Variants in SLX4 observed in about 807,000 individuals in gnomAD.
SLX4 encodes SLX4 structure-specific endonuclease subunit, also known as structure-specific endonuclease subunit SLX4.
A neutral mutation model predicts 146.2 loss-of-function variants in SLX4; 112 were observed. That is an observed-to-expected ratio of 0.77 (90% CI 0.66 to 0.90). The LOEUF (loss-of-function observed/expected upper bound fraction) is 0.90, where lower values mean the gene tolerates loss of function less well. SLX4 is among the 40% of genes least tolerant of loss of function. The pLI, the probability that SLX4 is intolerant of heterozygous loss-of-function variation, is 0.00. For synonymous variants in SLX4, 1,061 were observed against 997.7 expected, an observed-to-expected ratio of 1.06 and a Z score of -1.20; for missense variants, 2,563 against 2,392.7, an observed-to-expected ratio of 1.07 and a Z score of -1.49.
chr16:3,584,253 T>C (rs921988514), intron 13 of SLX4, among the ~76,000 whole-genome samples: 2 of 152,076 alleles, frequency 1.3e-5, no homozygotes, highest in Admixed American at 6.6e-5. Flanking sequence ...AAACCCCGTC[T>C]CTACTAAAAA....
chr16:3,608,935 T>G lies in SLX4; in HGVS notation c.30A>C (p.Leu10=). 6.2e-7 allele frequency: 1 copy of G among 1,613,932 alleles called. No individual in the cohort carries two copies. Among genetic ancestry groups the G allele is most frequent in the Admixed American group, 1.7e-5 (1 of 60,018 alleles). MKLSVNEAQ[L]GFYLGSLSHL... is the part of the protein sequence containing the mutation. ...GAGAAAGTGAACCCAAGTAGAAGCC[T>G]AGCTGAGCCTCATTCACACTCAGTT... is the stretch of plus-strand genomic sequence containing the variant. The change falls in exon 2 of 15, where the codon CTA becomes CTC. Residue 10 remains leucine (L), a synonymous_variant. Transcript: ENST00000294008.
intron 1 of SLX4, among the ~76,000 whole-genome samples, chr16:3,610,950 G>A (rs1160097652): frequency 6.6e-6 from 1 of 152,152 alleles, no homozygotes; most frequent in Non-Finnish European, 1.5e-5. Flanking sequence ...GGGAGCGGCT[G>A]GAACAAATTC....
chr16:3,594,114 G>C (rs1471895103), intron 10 of SLX4, among the ~76,000 whole-genome samples: 1 of 151,994 alleles, frequency 6.6e-6, no homozygotes, highest in Non-Finnish European at 1.5e-5. Flanking sequence ...TGATCTGCCC[G>C]CCTCGGCCTC....
At chr16:3,596,484 A>C in intron 7 of SLX4, 91 bp from the exon 8 acceptor site, 3 of 1,418,686 alleles carry the variant, frequency 2.1e-6, no homozygotes, top group Non-Finnish European at 2.8e-6. Context: ...GCACGGCTGG[A>C]CCTAAAACTA....
rs1739979320 is a variant in SLX4 at position 3,596,184 on chromosome 16, A to G, written c.1893T>C (p.Ser631=). ...TCCCTTCCGAGCCAGCCAGGCCCCC[A>G]CTGCCGGGCCACGGGCTGGCGCTCA... The part of the protein sequence containing the change: ...EGLSASPWPG[S]GGLAGSEGTA... Residue 631 remains serine, a synonymous_variant, in exon 8 of 15, where the codon AGT becomes AGC. Coordinates refer to ENST00000294008, the MANE Select transcript of SLX4 (RefSeq NM_032444.4). The G allele has an allele frequency of 1.9e-6, 3 of 1,551,666 alleles. No individual in the cohort carries two copies. The highest frequency in any genetic ancestry group is 1.9e-5 in the Admixed American group (1 of 52,110).
At chr16:3,591,931 G>T (rs1327752200) in intron 11 of SLX4, among the ~76,000 whole-genome samples, 1 of 152,208 alleles carries the variant, frequency 6.6e-6, no homozygotes, top group Non-Finnish European at 1.5e-5. Context: ...GAGGCAGGAG[G>T]ATTGCTTGAG....
In SLX4 at chr16:3,608,866, G is replaced by C. The variant is rs758021932; in HGVS notation, c.99C>G (p.Asp33Glu). ...CPGIDPRSSE[D>E]QPESLKTGQM... ...GACCAGTTTTAAGGCTTTCAGGCTG[G>C]TCTTCAGAGGAGCGAGGGTCAATCC... The change falls in exon 2 of 15, where the codon GAC (aspartate) becomes GAG (glutamate). Residue 33 changes from aspartate to glutamate, a missense_variant. By Grantham distance (45) the Asp-to-Glu change is conservative. Transcript: ENST00000294008. The C allele has an allele frequency of 1.9e-6, 3 of 1,614,114 alleles. No individual in the cohort carries two copies. Among genetic ancestry groups the C allele is most frequent in the Admixed American group, 1.7e-5 (1 of 60,016 alleles).
At chr16:3,592,180 C>A (rs115698980) in intron 11 of SLX4, among the ~76,000 whole-genome samples, 2 of 152,360 alleles carry the variant, frequency 1.3e-5, no homozygotes, top group African/African-American at 4.8e-5. Flanking sequence ...AGGGAGGACG[C>A]AGGCTCGGAT....
At position 3,602,042 on chromosome 16, in the gene SLX4, T is replaced by A. The variant is rs555994718; in HGVS notation, c.950+76A>T. 1.0e-4 allele frequency: 157 copies of A among 1,562,582 alleles called. 1 individual carries two copies. Among genetic ancestry groups the A allele is most frequent in the African/African-American group, 7.0e-4 (52 of 73,962 alleles). On this transcript the variant is annotated intron_variant, in intron 4 of 14. Coordinates refer to ENST00000294008, the MANE Select transcript of SLX4 (RefSeq NM_032444.4). ...CTGTTGTCATGGTAAGGTGTGGAGA[T>A]CCGCACTCCAGCCCTGGGGTGCTTG...
At chr16:3,607,958 G>A (rs1006358941) in intron 2 of SLX4, among the ~76,000 whole-genome samples, 1 of 152,232 alleles carries the variant, frequency 6.6e-6, no homozygotes, top group Non-Finnish European at 1.5e-5. Context: ...AATTCTGAAA[G>A]AGCAGAGGAC....
intron 11 of SLX4, 64 bp from the exon 12 acceptor site, chr16:3,591,374 T>TG: frequency 6.3e-7 from 1 of 1,597,052 alleles, no homozygotes; most frequent in Non-Finnish European, 8.5e-7. Context: ...GGTGCCCCGG[T>TG]GGGGTGGCGG....
Position 3,608,776 on chromosome 16 carries a change from T to C in SLX4, c.189A>G (p.Lys63=). The change falls in exon 2 of 15, where the codon AAA becomes AAG. Residue 63 remains lysine (K), a synonymous_variant. Coordinates refer to ENST00000294008, the MANE Select transcript of SLX4 (RefSeq NM_032444.4). ...CTGACACTTCCTTGATTCCATGTTT[T>C]TTCACCCTTTGGAAAAAGCTAGCGC... is the stretch of plus-strand genomic sequence containing the variant. ...ELCASFFQRV[K]KHGIKEVSGE... is the part of the protein sequence containing the mutation. The C allele has an allele frequency of 6.2e-7, 1 of 1,614,194 alleles. No individual in the cohort carries two copies. Among genetic ancestry groups the C allele is most frequent in the Middle Eastern group, 1.6e-4 (1 of 6,062 alleles).
intron 13 of SLX4, among the ~76,000 whole-genome samples, chr16:3,584,422 C>CA (rs112619699): frequency 8.8e-4 from 131 of 149,274 alleles, no homozygotes; most frequent in Middle Eastern, 3.5e-3. Context: ...CTCTGTCTTT[C>CA]AAAAAAAAAA....
intron 8 of SLX4, 93 bp from the exon 9 acceptor site, chr16:3,595,786 T>G: frequency 6.9e-7 from 1 of 1,446,688 alleles, no homozygotes; most frequent in East Asian, 2.4e-5. Flanking sequence ...AGCCAGCCCC[T>G]GCGGTGCCTC....
chr16:3,584,691 G>A (rs1035791614), intron 13 of SLX4, 78 bp downstream of exon 13: 16 of 1,155,592 alleles, frequency 1.4e-5, no homozygotes, highest in African/African-American at 1.1e-4. Flanking sequence ...GGGCCCTTCC[G>A]CCCCCAGGTG....
intron 9 of SLX4, 91 bp from the exon 10 acceptor site, chr16:3,594,690 G>C: frequency 6.4e-7 from 1 of 1,567,778 alleles, no homozygotes; most frequent in Non-Finnish European, 8.7e-7. Flanking sequence ...GGTGGCGCTA[G>C]GGTGGGCCGG....
In SLX4 at chr16:3,590,896, ATC is replaced by A; in HGVS notation, c.2740_2741del (p.Asp914Ter). ...TCTTCTCCCAGGTGGTGGCGGCCTC[ATC>A]TCTTCCTGGCTCCAACGGCTCCATC... ...EEMEPLEPGRDEAATTWEKMG... is the reference protein window; with the variant it reads ...EEMEPLEPGRXEAATTWEKMG... On this transcript the variant is annotated frameshift_variant, in exon 12 of 15. Coordinates refer to ENST00000294008, the MANE Select transcript of SLX4 (RefSeq NM_032444.4). LOFTEE classifies it high-confidence loss of function. The surrounding 1 kb of genome is among the most constrained non-coding windows in gnomAD (Gnocchi z 4.8). 6.2e-7 allele frequency: 1 copy of A among 1,613,606 alleles called. No individual in the cohort carries two copies. The highest frequency in any genetic ancestry group is 1.3e-5 in the African/African-American group (1 of 74,898).
chr16:3,597,824 A>C lies in SLX4; in HGVS notation c.1339T>G (p.Phe447Val). 6.2e-7 allele frequency: 1 copy of C among 1,614,100 alleles called. No homozygotes were observed. Among genetic ancestry groups the C allele is most frequent in the South Asian group, 1.1e-5 (1 of 91,082 alleles). The change falls in exon 6 of 15, where the codon TTT becomes GTT. Residue 447 changes from phenylalanine (F) to valine (V), a missense_variant. Transcript: ENST00000294008. The surrounding 1 kb of genome is among the most constrained non-coding windows in gnomAD (Gnocchi z 4.4). ...AVPALRLESA[F>V]SERIRPEAEN... ...GCTTCTGGTCTTATCCTCTCAGAAAAGGCACTTTCCAGCCTGAGCGCTGGT... is the reference window on the plus strand; with the variant it reads ...GCTTCTGGTCTTATCCTCTCAGAAACGGCACTTTCCAGCCTGAGCGCTGGT...
chr16:3,592,640 G>C, intron 11 of SLX4, 59 bp downstream of exon 11: 2 of 1,570,892 alleles, frequency 1.3e-6, no homozygotes, highest in African/African-American at 1.3e-5. Flanking sequence ...CAACCCTCCA[G>C]AGCTGTTAAC....
Sources: gnomAD v4.1 joint callset for allele counts (sites outside exome capture counted in the v4.1 genomes callset) on GRCh38, gnomAD v4.1.1 for gene constraint, Gnocchi (gnomAD v3.1) non-coding constraint, MANE v1.5 for transcripts, NCBI Gene and HGNC (gene_info 2026-07-23, HGNC 2026-07-21) for gene names.